Variants in FBXL17 observed in about 807,000 individuals in gnomAD.
FBXL17 encodes the protein F-box/LRR-repeat protein 17.
A neutral mutation model predicts 66.2 loss-of-function variants in FBXL17; 22 were observed. The observed-to-expected ratio is 0.33, with a 90% CI of 0.24 to 0.47. FBXL17 has a LOEUF of 0.47. Among genes scored for constraint, FBXL17 ranks in the 20% least tolerant of loss-of-function variants. The pLI is 1.00. For missense variants in FBXL17, 878 were observed against 948.2 expected, an observed-to-expected ratio of 0.93 and a Z score of 0.97; for synonymous variants, 474 against 400.5, an observed-to-expected ratio of 1.18 and a Z score of -2.19.
chr5:108,294,228 T>C (rs1200811572), intron 4 of FBXL17, among the ~76,000 whole-genome samples: 1 of 146,470 alleles, frequency 6.8e-6, no homozygotes, highest in Non-Finnish European at 1.5e-5. Flanking sequence ...ATATATGGTA[T>C]ATATATATTC....
chr5:108,107,366 G>A (rs1360363033), intron 6 of FBXL17, among the ~76,000 whole-genome samples: 1 of 152,136 alleles, frequency 6.6e-6, no homozygotes, highest in East Asian at 1.9e-4. Flanking sequence ...ATACAACTAC[G>A]AAAAGTATAT....
intron 4 of FBXL17, among the ~76,000 whole-genome samples, chr5:108,280,445 A>G (rs1315614061): frequency 1.3e-5 from 2 of 152,122 alleles, no homozygotes; most frequent in Non-Finnish European, 2.9e-5. Flanking sequence ...TTTACAAGAA[A>G]TGCTCAAGGG....
chr5:108,303,562 T>C (rs957921988), intron 4 of FBXL17, among the ~76,000 whole-genome samples: 1 of 151,970 alleles, frequency 6.6e-6, no homozygotes, highest in Non-Finnish European at 1.5e-5. Context: ...AACATATGTA[T>C]TCTGAAGACT....
chr5:108,159,937 A>G (rs1264521520), intron 6 of FBXL17, among the ~76,000 whole-genome samples: 1 of 152,202 alleles, frequency 6.6e-6, no homozygotes, highest in East Asian at 1.9e-4. Flanking sequence ...GAGAGTAAAA[A>G]TTTATACACT....
At chr5:107,984,631 T>C (rs76068101) in intron 7 of FBXL17, among the ~76,000 whole-genome samples, 2,247 of 152,254 alleles carry the variant, frequency 0.015, 60 homozygotes, top group African/African-American at 0.051. Flanking sequence ...AATGAAACCA[T>C]TGAAGCAAAG....
intron 7 of FBXL17, among the ~76,000 whole-genome samples, chr5:108,016,417 G>A (rs755124975): frequency 1.4e-4 from 22 of 152,078 alleles, no homozygotes; most frequent in Non-Finnish European, 2.5e-4. Context: ...TTTAATTAAA[G>A]ATTATTTTAC....
intron 5 of FBXL17, among the ~76,000 whole-genome samples, chr5:108,207,774 A>G (rs1383386639): frequency 6.6e-6 from 1 of 152,228 alleles, no homozygotes; most frequent in Non-Finnish European, 1.5e-5. Context: ...ATAGTGCTGC[A>G]ATAAACATAC....
At chr5:108,270,459 CAT>C (rs1410223973) in intron 4 of FBXL17, among the ~76,000 whole-genome samples, 1 of 148,160 alleles carries the variant, frequency 6.7e-6, no homozygotes, top group Non-Finnish European at 1.5e-5. Context: ...ATTTATACAT[CAT>C]ATATTTATTT....
intron 5 of FBXL17, among the ~76,000 whole-genome samples, chr5:108,188,063 T>C (rs1181020750): frequency 6.6e-6 from 1 of 152,190 alleles, no homozygotes; most frequent in African/African-American, 2.4e-5. Flanking sequence ...TGTATTTAAT[T>C]TTTATATCTG....
At chr5:107,899,019 T>C (rs1349103593) in intron 7 of FBXL17, among the ~76,000 whole-genome samples, 2 of 152,212 alleles carry the variant, frequency 1.3e-5, no homozygotes, top group Admixed American at 6.5e-5. Context: ...TTTCTGGTTC[T>C]AGATCTTTGA....
At position 108,364,966 on chromosome 5, in the gene FBXL17, T is replaced by C. The variant is rs768345634; in HGVS notation, c.1146A>G (p.Ala382=). The change falls in exon 3 of 9, where the codon GCA becomes GCG. Residue 382 remains alanine (A), a synonymous_variant. Coordinates refer to ENST00000542267, the MANE Select transcript of FBXL17 (RefSeq NM_001163315.3). The stretch of plus-strand genomic sequence containing the variant: ...TTTCAATTATATTCTGACTTCTTGA[T>C]GCAATTTTTTCCAACAATTCATCAG... The part of the protein sequence containing the change: ...QVTDELLEKI[A]SRSQNIIEIN... The C allele has an allele frequency of 5.0e-5, 81 of 1,610,914 alleles. No homozygotes were observed. The South Asian group carries it at 8.5e-4, about 17-fold the overall frequency.
chr5:108,177,281 A>T (rs1752827662), intron 6 of FBXL17, among the ~76,000 whole-genome samples: 1 of 152,232 alleles, frequency 6.6e-6, no homozygotes, highest in South Asian at 2.1e-4. Flanking sequence ...ACATCATAAG[A>T]AATGAAGAGT....
chr5:108,089,201 C>A (rs148301515), intron 6 of FBXL17, among the ~76,000 whole-genome samples: 1 of 152,316 alleles, frequency 6.6e-6, no homozygotes, highest in African/African-American at 2.4e-5. Context: ...ACTGCAATGG[C>A]CTTCTAACTG....
chr5:108,150,789 T>A (rs1408417422), intron 6 of FBXL17, among the ~76,000 whole-genome samples: 1 of 152,210 alleles, frequency 6.6e-6, no homozygotes, highest in Non-Finnish European at 1.5e-5. Flanking sequence ...AATAACGATT[T>A]TCCGCATTAT....
At chr5:107,911,320 T>C (rs1352136699) in intron 7 of FBXL17, among the ~76,000 whole-genome samples, 1 of 152,114 alleles carries the variant, frequency 6.6e-6, no homozygotes, top group Non-Finnish European at 1.5e-5. Context: ...TCATGTTTCG[T>C]GTATTAAAAT....
intron 4 of FBXL17, among the ~76,000 whole-genome samples, chr5:108,337,707 G>GCA (rs1279014513): frequency 1.7e-5 from 1 of 58,612 alleles, no homozygotes; most frequent in Admixed American, 1.8e-4. Context: ...AGTACAAAAA[G>GCA]TAAAAAAAAA....
intron 4 of FBXL17, among the ~76,000 whole-genome samples, chr5:108,337,654 A>G (rs1760450344): frequency 6.6e-6 from 1 of 151,938 alleles, no homozygotes; most frequent in Admixed American, 6.6e-5. Flanking sequence ...GAAGGTAGTA[A>G]TGAACACATT....
chr5:108,052,884 A>G (rs1360720501), intron 6 of FBXL17, among the ~76,000 whole-genome samples: 1 of 152,214 alleles, frequency 6.6e-6, no homozygotes, highest in Non-Finnish European at 1.5e-5. Flanking sequence ...GACCTCAGAA[A>G]TAACACCACA....
chr5:108,076,655 C>T (rs58539174), intron 6 of FBXL17, among the ~76,000 whole-genome samples: 2,249 of 152,136 alleles, frequency 0.015, 72 homozygotes, highest in African/African-American at 0.051. Flanking sequence ...TGCAAAGCTA[C>T]CTTAAGTAGG....
Sources: gnomAD v4.1 joint callset for allele counts (sites outside exome capture counted in the v4.1 genomes callset) on GRCh38, gnomAD v4.1.1 for gene constraint, MANE v1.5 for transcripts, NCBI Gene and HGNC (gene_info 2026-07-23, HGNC 2026-07-21) for gene names.